Variants in LRRC52 observed in about 807,000 individuals in gnomAD.
LRRC52 encodes leucine rich repeat containing 52, also known as leucine-rich repeat-containing protein 52.
In LRRC52, 15 loss-of-function variants were observed where a neutral mutation model predicts 14.7. The observed-to-expected ratio is 1.02, with a 90% CI of 0.68 to 1.58. The LOEUF is 1.58. Ranked by LOEUF, LRRC52 falls within the 40% of genes most tolerant of loss-of-function variation. The pLI is 0.00. For missense variants in LRRC52, 400 were observed against 387.7 expected (o/e 1.03, Z -0.27); for synonymous variants, 180 against 163.9 (o/e 1.10, Z -0.75).
At chr1:165,548,524 C>A (rs1302209452) in intron 1 of LRRC52, among the ~76,000 whole-genome samples, 1 of 152,192 alleles carries the variant, frequency 6.6e-6, no homozygotes, top group African/African-American at 2.4e-5. Context: ...GGGTGACAGG[C>A]ACTTGGGGCA....
intron 1 of LRRC52, among the ~76,000 whole-genome samples, chr1:165,561,312 C>T (rs1332184966): frequency 6.6e-6 from 1 of 152,200 alleles, no homozygotes; most frequent in South Asian, 2.1e-4. Context: ...AGATAAACCC[C>T]CCTAGACACA....
At chr1:165,550,762 G>C (rs1363678448) in intron 1 of LRRC52, among the ~76,000 whole-genome samples, 2 of 152,046 alleles carry the variant, frequency 1.3e-5, no homozygotes, top group African/African-American at 2.4e-5. Flanking sequence ...GAGAAAAAAA[G>C]TCATAATTTT....
At chr1:165,548,705 C>T (rs1166221982) in intron 1 of LRRC52, among the ~76,000 whole-genome samples, 1 of 152,160 alleles carries the variant, frequency 6.6e-6, no homozygotes, top group Non-Finnish European at 1.5e-5. Context: ...ATTTCCTCAT[C>T]TTGAATACAA....
intron 1 of LRRC52, among the ~76,000 whole-genome samples, chr1:165,545,368 A>T (rs1488731162): frequency 6.6e-6 from 1 of 152,162 alleles, no homozygotes; most frequent in Non-Finnish European, 1.5e-5. Flanking sequence ...TTTTTCCAGG[A>T]TCAAAAAGTA....
chr1:165,544,187 T>C lies in LRRC52; in HGVS notation c.-110T>C, dbSNP rs1419279410. On this transcript the variant is annotated 5_prime_UTR_variant, in exon 1 of 2. Transcript: ENST00000294818. ...ATTGCTTTGCACAAAGCTAAAGTGT[T>C]ACAGTTCTTTCCAGAGCCCCTCCCC... 4 of 1,297,888 alleles carry C rather than the reference T, an allele frequency of 3.1e-6. No individual in the cohort carries two copies. Among genetic ancestry groups the C allele is most frequent in the South Asian group, 1.4e-5 (1 of 70,408 alleles). 80.4% of individuals were successfully genotyped at this position (1,297,888 alleles called of 1,614,324 possible).
rs2101828399 is a variant in LRRC52 at position 165,553,367 on chromosome 1, G to A, written c.622+8449G>A. On this transcript the variant is annotated intron_variant, in intron 1 of 1. Coordinates refer to ENST00000294818, the MANE Select transcript of LRRC52 (RefSeq NM_001005214.4). Reference sequence around the variant, plus strand: ...AGATTTAGCACCAGGGATCCCTGATGTCTTGGGCAGTTCTGCTGGCATGAT... The same window carrying A: ...AGATTTAGCACCAGGGATCCCTGATATCTTGGGCAGTTCTGCTGGCATGAT... Among the ~76,000 whole-genome samples, 3 of 152,340 alleles carry A rather than the reference G, an allele frequency of 2.0e-5. No individual in the cohort carries two copies. The Middle Eastern group carries it at 0.01, about 518-fold the overall frequency.
Position 165,563,907 on chromosome 1 carries a change from G to A in LRRC52, c.*83G>A. 1 of 1,401,756 alleles carries A rather than the reference G, an allele frequency of 7.1e-7. No individual in the cohort carries two copies. The highest frequency in any genetic ancestry group is 1.3e-5 in the South Asian group (1 of 74,116). 86.8% of individuals were successfully genotyped at this position (1,401,756 alleles called of 1,614,324 possible). On this transcript the variant is annotated 3_prime_UTR_variant, in exon 2 of 2. Transcript: ENST00000294818. ...CTCCCCATCCCACCACCTTGGAGCT[G>A]TCATAGAGATTGAAACCTTCTAGTA...
intron 1 of LRRC52, among the ~76,000 whole-genome samples, chr1:165,556,046 G>C (rs1661227368): frequency 6.6e-6 from 1 of 152,256 alleles, no homozygotes. Context: ...TGGTAGCAGG[G>C]GGCTACCCCT....
At chr1:165,558,810 A>T (rs755419108) in intron 1 of LRRC52, among the ~76,000 whole-genome samples, 8 of 152,258 alleles carry the variant, frequency 5.3e-5, no homozygotes, top group Non-Finnish European at 1.2e-4. Context: ...AAAGTTTGCT[A>T]GCTTGGATGA....
intron 1 of LRRC52, among the ~76,000 whole-genome samples, chr1:165,562,409 A>C (rs138535256): frequency 6.6e-6 from 1 of 152,322 alleles, no homozygotes; most frequent in African/African-American, 2.4e-5. Context: ...CACATCACAC[A>C]AGCACTCAGC....
chr1:165,555,177 T>C (rs1661207408), intron 1 of LRRC52, among the ~76,000 whole-genome samples: 1 of 151,774 alleles, frequency 6.6e-6, no homozygotes, highest in Non-Finnish European at 1.5e-5. Flanking sequence ...TGGAGGAAAA[T>C]AAGAGAGGGG....
intron 1 of LRRC52, among the ~76,000 whole-genome samples, chr1:165,558,360 T>C (rs1287631255): frequency 6.6e-6 from 1 of 152,216 alleles, no homozygotes; most frequent in Non-Finnish European, 1.5e-5. Context: ...CCTGGAGTTG[T>C]GCAGTGCACA....
chr1:165,559,897 G>A (rs1661308677), intron 1 of LRRC52, among the ~76,000 whole-genome samples: 1 of 152,230 alleles, frequency 6.6e-6, no homozygotes, highest in Admixed American at 6.5e-5. Context: ...GGTTGTGAGT[G>A]GCTGGAGCCT....
chr1:165,544,838 T>C lies in LRRC52; in HGVS notation c.542T>C (p.Leu181Pro), dbSNP rs755980445. 10 of 1,614,000 alleles carry C rather than the reference T, an allele frequency of 6.2e-6. No homozygotes were observed. Among genetic ancestry groups the C allele is most frequent in the South Asian group, 1.1e-5 (1 of 91,076 alleles). Residue 181 changes from leucine to proline, a missense_variant, in exon 1 of 2, where the codon CTG becomes CCG. Transcript: ENST00000294818. ...CTCACTACTCTGGAGACCCTGTTTC[T>C]GAGTGGAAACCCCTGGAAGTGCAAC... ...YHLTTLETLFLSGNPWKCNCS... is the reference protein window; with the variant it reads ...YHLTTLETLFPSGNPWKCNCS...
intron 1 of LRRC52, among the ~76,000 whole-genome samples, chr1:165,560,847 G>A (rs1661325344): frequency 6.6e-6 from 1 of 151,928 alleles, no homozygotes; most frequent in Admixed American, 6.6e-5. Flanking sequence ...GGAGGGAAGG[G>A]GAGAAGGGTA....
In LRRC52 at chr1:165,563,524, T is replaced by C. The variant is rs779098148; in HGVS notation, c.642T>C (p.Cys214=). 2.5e-6 allele frequency: 4 copies of C among 1,613,580 alleles called. No homozygotes were observed. The African/African-American group carries it at 5.3e-5, about 22-fold the overall frequency. Residue 214 remains cysteine (C), a synonymous_variant, in exon 2 of 2, where the codon TGT becomes TGC. Coordinates refer to ENST00000294818, the MANE Select transcript of LRRC52 (RefSeq NM_001005214.4). The stretch of plus-strand genomic sequence containing the variant: ...TCTTAGATGATCTAAATGCCACATG[T>C]GTGGAGCCCACAGAGCTGACAGGGT... The part of the protein sequence containing the change: ...MDPSDDLNAT[C]VEPTELTGWP...
At chr1:165,556,865 C>T (rs1276928823) in intron 1 of LRRC52, among the ~76,000 whole-genome samples, 2 of 152,294 alleles carry the variant, frequency 1.3e-5, no homozygotes, top group African/African-American at 4.8e-5. Context: ...ATTGCCCAAC[C>T]TAGGTTTCCT....
At chr1:165,560,678 G>A (rs772764871) in intron 1 of LRRC52, among the ~76,000 whole-genome samples, 1 of 152,152 alleles carries the variant, frequency 6.6e-6, no homozygotes, top group African/African-American at 2.4e-5. Flanking sequence ...CTTAAAAGAT[G>A]GGAAGAACAT....
chr1:165,549,379 G>A (rs544365099), intron 1 of LRRC52, among the ~76,000 whole-genome samples: 2 of 152,122 alleles, frequency 1.3e-5, no homozygotes, highest in African/African-American at 4.8e-5. Context: ...TCACCTACAT[G>A]GTATAACTGA....
Sources: allele counts gnomAD v4.1 joint callset (sites outside exome capture counted in the v4.1 genomes callset), GRCh38; gene constraint gnomAD v4.1.1; transcripts MANE v1.5; gene names NCBI Gene and HGNC (gene_info 2026-07-23, HGNC 2026-07-21).